FGD6: variants seen among roughly 807,000 people sequenced by gnomAD.
FGD6 encodes the protein FYVE, RhoGEF and PH domain-containing protein 6.
FGD6 carries 90 observed loss-of-function variants against 149.4 expected under a neutral mutation model. The ratio of observed to expected loss-of-function variants is 0.60; its 90% CI spans 0.51 to 0.72. FGD6 has a LOEUF of 0.72. Ranked by LOEUF, FGD6 falls within the 30% of genes least tolerant of loss-of-function variation. FGD6 has a pLI of 0.00. For missense variants in FGD6, 1,437 were observed against 1,684.8 expected (o/e 0.85, Z 2.57); for synonymous variants, 527 against 584.0 (o/e 0.90, Z 1.41).
intron 5 of FGD6, 151 bp from the exon 6 acceptor site, chr12:95,141,690 T>C (rs774214576): frequency 5.2e-6 from 4 of 772,852 alleles, no homozygotes; most frequent in Non-Finnish European, 6.0e-6. Flanking sequence ...CCCTTCCTCC[T>C]ACCCCACTCA....
chr12:95,147,731 CA>C (rs1592851438), intron 5 of FGD6, among the ~76,000 whole-genome samples: 1 of 151,856 alleles, frequency 6.6e-6, no homozygotes, highest in African/African-American at 2.4e-5. Flanking sequence ...TTACTTTCTT[CA>C]TTGAAAAAAA....
At chr12:95,130,585 TA>T (rs1879490802) in intron 8 of FGD6, among the ~76,000 whole-genome samples, 1 of 152,132 alleles carries the variant, frequency 6.6e-6, no homozygotes, top group African/African-American at 2.4e-5. Context: ...AATCCAACTT[TA>T]AAAAATCTCA....
rs377327394 is a variant in FGD6, at chr12:95,210,879, G to A, written c.405C>T (p.Pro135=). Residue 135 remains proline, a synonymous_variant, in exon 2 of 21, where the codon CCC becomes CCT. Coordinates refer to ENST00000343958, the MANE Select transcript of FGD6 (RefSeq NM_018351.4). ...TTTCTAAATTTTCATTCATTTCCAG[G>A]GGCTCTAAAACAAGCTGCTTTACAC... is the stretch of plus-strand genomic sequence containing the variant. ...NLCVKQLVLE[P]LEMNENLENS... The A allele has an allele frequency of 1.5e-5, 24 of 1,611,994 alleles. No individual in the cohort carries two copies. The highest frequency in any genetic ancestry group is 3.3e-4 in the Middle Eastern group (2 of 6,072).
At chr12:95,156,207 A>G (rs958526349) in intron 3 of FGD6, among the ~76,000 whole-genome samples, 1 of 152,014 alleles carries the variant, frequency 6.6e-6, no homozygotes, top group African/African-American at 2.4e-5. Flanking sequence ...ATAACTTTAA[A>G]CTCTGACTGC....
intron 8 of FGD6, among the ~76,000 whole-genome samples, chr12:95,131,108 G>GA (rs375509357): frequency 7.8e-6 from 1 of 128,362 alleles, no homozygotes; most frequent in Non-Finnish European, 1.7e-5. Flanking sequence ...TGGCTAAAGA[G>GA]TTTTTTTTTT....
intron 14 of FGD6, 30 bp from the exon 15 acceptor site, chr12:95,094,724 G>T: frequency 6.6e-7 from 1 of 1,510,302 alleles, no homozygotes; most frequent in Non-Finnish European, 9.2e-7. Context: ...TCATCAACCA[G>T]ATGTCAGTTT....
At chr12:95,166,532 G>A (rs1759002836) in intron 3 of FGD6, among the ~76,000 whole-genome samples, 1 of 151,858 alleles carries the variant, frequency 6.6e-6, no homozygotes, top group East Asian at 1.9e-4. Flanking sequence ...AACATGGCAA[G>A]ACCATGTCTT....
rs965754756 is a variant in FGD6 at position 95,081,333 on chromosome 12, T to C, written c.*187A>G. On this transcript the variant is annotated 3_prime_UTR_variant, in exon 21 of 21. Coordinates refer to ENST00000343958, the MANE Select transcript of FGD6 (RefSeq NM_018351.4). Reference sequence around the variant, plus strand: ...AAGTAAACATCAAAATTTTAATAAATAACATAAATGAAAAAACAAACACCT... The same window carrying C: ...AAGTAAACATCAAAATTTTAATAAACAACATAAATGAAAAAACAAACACCT... The C allele has an allele frequency of 4.0e-5, 17 of 425,736 alleles. No individual in the cohort carries two copies. The highest frequency in any genetic ancestry group is 3.4e-4 in the African/African-American group (17 of 50,078). The allele number at this position is 425,736 out of a possible 1,614,324, so 26.4% of individuals were successfully genotyped here. A position where few individuals can be genotyped will look rare whatever the true frequency, so the allele number is the denominator to read the frequency against.
At chr12:95,098,409 C>T (rs954610341) in intron 14 of FGD6, among the ~76,000 whole-genome samples, 11 of 152,134 alleles carry the variant, frequency 7.2e-5, no homozygotes, top group Admixed American at 4.6e-4. Flanking sequence ...AGCCTTTCAG[C>T]GGTTTCCTGT....
At chr12:95,126,173 T>C in intron 8 of FGD6, 1 of 1,076,606 alleles carries the variant, frequency 9.3e-7, no homozygotes, top group African/African-American at 1.6e-5. Context: ...TCCTGAAAGC[T>C]TCTCTCAAAA....
intron 8 of FGD6, among the ~76,000 whole-genome samples, chr12:95,133,274 C>T (rs897786788): frequency 1.7e-4 from 26 of 152,058 alleles, no homozygotes; most frequent in East Asian, 3.9e-4. Flanking sequence ...AAAAATTAGC[C>T]GGGCATGGTG....
At chr12:95,185,228 A>G (rs1435632964) in intron 2 of FGD6, among the ~76,000 whole-genome samples, 2 of 152,180 alleles carry the variant, frequency 1.3e-5, no homozygotes, top group African/African-American at 2.4e-5. Context: ...ATTGCTGACT[A>G]GTTCTGTGTT....
intron 14 of FGD6, among the ~76,000 whole-genome samples, chr12:95,100,055 T>TCCCCCCCCCCCC (rs33962935): frequency 7.7e-6 from 1 of 129,188 alleles, no homozygotes; most frequent in African/African-American, 2.8e-5. Context: ...ACTTTTCTGA[T>TCCCCCCCCCCCC]CCCCCCCCCC....
chr12:95,101,906 C>A (rs887951990), intron 14 of FGD6, among the ~76,000 whole-genome samples: 5 of 151,874 alleles, frequency 3.3e-5, no homozygotes, highest in Admixed American at 2.0e-4. Flanking sequence ...TGGTCTCGAT[C>A]TCCTGATTTT....
chr12:95,217,385 C>T lies in FGD6; in HGVS notation c.-145G>A. ...GCCGCCCCGCGGCGCAGCCTGAGCG[C>T]CACACAAAGGACGCGGCCGACTCTA... On this transcript the variant is annotated 5_prime_UTR_variant, in exon 1 of 21. Coordinates refer to ENST00000343958, the MANE Select transcript of FGD6 (RefSeq NM_018351.4). 8.5e-6 allele frequency: 11 copies of T among 1,288,426 alleles called. No homozygotes were observed. The highest frequency in any genetic ancestry group is 1.1e-5 in the Non-Finnish European group (11 of 977,680). The allele number at this position is 1,288,426 out of a possible 1,614,324, so 79.8% of individuals were successfully genotyped here.
intron 15 of FGD6, among the ~76,000 whole-genome samples, 176 bp downstream of exon 15, chr12:95,094,416 A>C (rs1878172528): frequency 6.6e-6 from 1 of 152,202 alleles, no homozygotes; most frequent in African/African-American, 2.4e-5. Context: ...CAGTGAGACA[A>C]CAATAGGAGG....
At chr12:95,151,638 A>C (rs1036099634) in intron 5 of FGD6, among the ~76,000 whole-genome samples, 1 of 152,184 alleles carries the variant, frequency 6.6e-6, no homozygotes. Context: ...ATCATGCCTA[A>C]GTGTAACTTA....
chr12:95,197,214 G>A (rs1368390986), intron 2 of FGD6, among the ~76,000 whole-genome samples: 1 of 152,004 alleles, frequency 6.6e-6, no homozygotes, highest in African/African-American at 2.4e-5. Flanking sequence ...CGAAGTGGGT[G>A]GATCACTTGA....
chr12:95,088,139 CCT>C (rs1410507436), intron 18 of FGD6, among the ~76,000 whole-genome samples: 1 of 152,126 alleles, frequency 6.6e-6, no homozygotes, highest in Non-Finnish European at 1.5e-5. Context: ...CATGACTAGA[CCT>C]ATATTTTCAA....
Sources: gnomAD v4.1 joint callset for allele counts (sites outside exome capture counted in the v4.1 genomes callset) on GRCh38, gnomAD v4.1.1 for gene constraint, MANE v1.5 for transcripts, NCBI Gene and HGNC (gene_info 2026-07-23, HGNC 2026-07-21) for gene names.